FGD6: variants seen among roughly 807,000 people sequenced by gnomAD.
The protein encoded by FGD6 is FYVE, RhoGEF and PH domain containing 6.
Under a neutral mutation model 149.4 loss-of-function variants are expected in FGD6, and 90 were observed. The ratio of observed to expected loss-of-function variants is 0.60; its 90% confidence interval spans 0.51 to 0.72. FGD6 has a LOEUF of 0.72. Among genes scored for constraint, FGD6 ranks in the 30% least tolerant of loss-of-function variants. The pLI is 0.00. For synonymous variants in FGD6, 527 were observed against 584.0 expected, an observed-to-expected ratio of 0.90 and a Z score of 1.41; for missense variants, 1,437 against 1,684.8, an observed-to-expected ratio of 0.85 and a Z score of 2.57.
chr12:95,172,710 C>G lies in FGD6; in HGVS notation c.2476G>C (p.Gly826Arg), dbSNP rs1273270706. The G allele has an allele frequency of 1.2e-6, 2 of 1,612,200 alleles. No homozygotes were observed. Among genetic ancestry groups the G allele is most frequent in the Admixed American group, 3.3e-5 (2 of 59,898 alleles). ...GASQEEQNDL[G>R]LGDLPSDEEE... Reference sequence around the variant, plus strand: ...TCATCAGAGGGAAGGTCACCAAGACCAAGATCATTCTGTTCCTCCTGGGAT... The same window carrying G: ...TCATCAGAGGGAAGGTCACCAAGACGAAGATCATTCTGTTCCTCCTGGGAT... The change falls in exon 3 of 21, where the codon GGT becomes CGT. Residue 826 changes from glycine (G) to arginine (R), a missense_variant. Transcript: ENST00000343958.
intron 2 of FGD6, among the ~76,000 whole-genome samples, chr12:95,206,912 A>G (rs2056695605): frequency 6.6e-6 from 1 of 152,126 alleles, no homozygotes. Flanking sequence ...AATACCTGAC[A>G]GTTAAAGGAA....
intron 2 of FGD6, among the ~76,000 whole-genome samples, chr12:95,199,470 C>T (rs1347775247): frequency 1.3e-5 from 2 of 152,098 alleles, no homozygotes; most frequent in Non-Finnish European, 2.9e-5. Flanking sequence ...TGTTATCAAG[C>T]AAATCATACC....
At chr12:95,215,138 G>A (rs903859956) in intron 1 of FGD6, among the ~76,000 whole-genome samples, 1 of 152,128 alleles carries the variant, frequency 6.6e-6, no homozygotes, top group African/African-American at 2.4e-5. Flanking sequence ...TGGAATTACA[G>A]GCTTGAGCCA....
chr12:95,171,547 A>G (rs1880986932), intron 3 of FGD6, among the ~76,000 whole-genome samples: 1 of 152,018 alleles, frequency 6.6e-6, no homozygotes, highest in African/African-American at 2.4e-5. Context: ...ACGGAGTCTC[A>G]CTCTGTCACC....
chr12:95,198,077 G>A (rs1881775391), intron 2 of FGD6, among the ~76,000 whole-genome samples: 1 of 152,140 alleles, frequency 6.6e-6, no homozygotes, highest in Non-Finnish European at 1.5e-5. Context: ...ATTAAAGACA[G>A]AAATAGTTTG....
chr12:95,184,688 T>C (rs1168909135), intron 2 of FGD6, among the ~76,000 whole-genome samples: 2 of 151,690 alleles, frequency 1.3e-5, no homozygotes, highest in Admixed American at 1.3e-4. Context: ...TTCAAGCGAT[T>C]CTCGCGCCTC....
intron 7 of FGD6, among the ~76,000 whole-genome samples, chr12:95,136,709 G>T (rs191649383): frequency 6.6e-6 from 1 of 152,324 alleles, no homozygotes; most frequent in East Asian, 1.9e-4. Context: ...TAGGATAAAA[G>T]AAGAAGTTAA....
At chr12:95,206,950 G>A (rs892773700) in intron 2 of FGD6, among the ~76,000 whole-genome samples, 27 of 151,664 alleles carry the variant, frequency 1.8e-4, no homozygotes, top group African/African-American at 6.0e-4. Flanking sequence ...TACTTGGTAC[G>A]CTGACTTGCT....
intron 2 of FGD6, among the ~76,000 whole-genome samples, chr12:95,177,724 A>C (rs925487797): frequency 6.6e-6 from 1 of 152,142 alleles, no homozygotes; most frequent in East Asian, 1.9e-4. Flanking sequence ...TAGCAAAATA[A>C]ATTTCAAGTT....
chr12:95,163,134 A>G (rs1335378094), intron 3 of FGD6, among the ~76,000 whole-genome samples: 2 of 152,158 alleles, frequency 1.3e-5, no homozygotes, highest in African/African-American at 4.8e-5. Flanking sequence ...GGCATTTCTC[A>G]ACATGTCCAC....
chr12:95,202,144 CT>C (rs1361217649), intron 2 of FGD6, among the ~76,000 whole-genome samples: 1 of 151,964 alleles, frequency 6.6e-6, no homozygotes, highest in Non-Finnish European at 1.5e-5. Context: ...AATCCCAACA[CT>C]TTGGGAGGCC....
In FGD6 at chr12:95,105,100, C is replaced by T; in HGVS notation, c.3418-14G>A. ...AGGTTTTCTGACCTGGAAGAAAGCACAACAATTTGAGCCGACTCATCCTAC... is the reference window on the plus strand; with the variant it reads ...AGGTTTTCTGACCTGGAAGAAAGCATAACAATTTGAGCCGACTCATCCTAC... On this transcript the variant is annotated splice_polypyrimidine_tract_variant and intron_variant, in intron 13 of 20. Coordinates refer to ENST00000343958, the MANE Select transcript of FGD6 (RefSeq NM_018351.4). The T allele has an allele frequency of 2.5e-6, 4 of 1,595,742 alleles. No individual in the cohort carries two copies. Among genetic ancestry groups the T allele is most frequent in the African/African-American group, 1.4e-5 (1 of 73,746 alleles).
chr12:95,142,791 T>C (rs1879891182), intron 5 of FGD6, among the ~76,000 whole-genome samples: 1 of 152,176 alleles, frequency 6.6e-6, no homozygotes, highest in African/African-American at 2.4e-5. Context: ...CCCCTCCCTC[T>C]TGTCAACCTC....
intron 15 of FGD6, among the ~76,000 whole-genome samples, chr12:95,093,140 G>T (rs1878121006): frequency 6.6e-6 from 1 of 152,084 alleles, no homozygotes; most frequent in African/African-American, 2.4e-5. Flanking sequence ...AGAATTACTT[G>T]AACCTGGGAG....
chr12:95,167,827 G>C (rs565308081), intron 3 of FGD6, among the ~76,000 whole-genome samples: 2 of 151,860 alleles, frequency 1.3e-5, no homozygotes, highest in African/African-American at 2.4e-5. Context: ...TGCCCGCCTC[G>C]ACCTCCCAAA....
At chr12:95,172,194 A>G (rs1428592001) in intron 3 of FGD6, among the ~76,000 whole-genome samples, 1 of 152,038 alleles carries the variant, frequency 6.6e-6, no homozygotes, top group African/African-American at 2.4e-5. Flanking sequence ...TGGCCAACAT[A>G]GTGAAACCCC....
At chr12:95,125,757 A>C (rs754414921) in intron 8 of FGD6, 3 of 680,122 alleles carry the variant, frequency 4.4e-6, no homozygotes, top group Non-Finnish European at 8.0e-6. Context: ...GACTGCCGCC[A>C]ATATGGTGTT....
At chr12:95,144,705 GAGAA>G in intron 5 of FGD6, among the ~76,000 whole-genome samples, 1 of 145,550 alleles carries the variant, frequency 6.9e-6, no homozygotes. Flanking sequence ...TTTTTTTTTT[GAGAA>G]AGAGTTTTGC....
At chr12:95,098,867 ATTTT>A (rs63204961) in intron 14 of FGD6, among the ~76,000 whole-genome samples, 11,461 of 126,648 alleles carry the variant, frequency 0.09, 455 homozygotes, top group East Asian at 0.16. Context: ...GGCCCTTTTA[ATTTT>A]TTTTTTTTTT....
Sources: gnomAD v4.1 joint callset for allele counts (sites outside exome capture counted in the v4.1 genomes callset) on GRCh38, gnomAD v4.1.1 for gene constraint, MANE v1.5 for transcripts, NCBI Gene and HGNC (gene_info 2026-07-23, HGNC 2026-07-21) for gene names.